ERCC1: variants seen among roughly 807,000 people sequenced by gnomAD.
The protein encoded by ERCC1 is DNA excision repair protein ERCC-1.
Under a neutral mutation model 37.6 loss-of-function variants are expected in ERCC1, and 36 were observed. The observed-to-expected ratio is 0.96, with a 90% CI of 0.73 to 1.26. The LOEUF is 1.26. Ranked by LOEUF, ERCC1 falls within the 50% of genes most tolerant of loss-of-function variation. ERCC1 has a pLI of 0.00. For synonymous variants in ERCC1, 156 were observed against 162.1 expected (o/e 0.96, Z 0.28); for missense variants, 349 against 376.5 (o/e 0.93, Z 0.60).
At chr19:45,416,518 G>A (rs921429990) in intron 6 of ERCC1, 5 of 376,228 alleles carry the variant, frequency 1.3e-5, no homozygotes, top group Middle Eastern at 7.8e-4. Context: ...TGGGCGTGGT[G>A]GTGCACACCT....
chr19:45,424,234 C>T (rs1177336392), upstream of ERCC1: 1 of 189,664 alleles, frequency 5.3e-6, no homozygotes, highest in African/African-American at 2.4e-5. Flanking sequence ...TATTCCACAC[C>T]TATTCCCCCC....
chr19:45,414,326 A>T, intron 7 of ERCC1: 1 of 456,500 alleles, frequency 2.2e-6, no homozygotes, highest in Non-Finnish European at 4.1e-6. Flanking sequence ...AAAATACAAA[A>T]ATTAGACAGG....
upstream of ERCC1, among the ~76,000 whole-genome samples, chr19:45,424,575 C>T (rs1268488993): frequency 6.6e-6 from 1 of 152,214 alleles, no homozygotes; most frequent in Non-Finnish European, 1.5e-5. Flanking sequence ...TCTCTGATTA[C>T]TAAGGAAATG....
chr19:45,423,962 G>A, upstream of ERCC1: 1 of 1,075,658 alleles, frequency 9.3e-7, no homozygotes, highest in Non-Finnish European at 1.1e-6. Context: ...CATAGAGCAG[G>A]GCGATCTCTG....
chr19:45,424,840 A>G (rs905094695), upstream of ERCC1, among the ~76,000 whole-genome samples: 4 of 150,550 alleles, frequency 2.7e-5, no homozygotes, highest in South Asian at 2.1e-4. Flanking sequence ...CTATTTATCA[A>G]TCTGTTCCGT....
chr19:45,409,006 G>T lies in ERCC1; in HGVS notation c.*669C>A. The stretch of plus-strand genomic sequence containing the variant: ...CAATGATGGAGCCAGGGACGGAGGC[G>T]ATGGAGCCAGTGGAGCCGGAGATGA... On this transcript the variant is annotated 3_prime_UTR_variant, in exon 10 of 10. Transcript: ENST00000300853. 2 of 1,614,070 alleles carry T rather than the reference G, an allele frequency of 1.2e-6. No individual in the cohort carries two copies. Among genetic ancestry groups the T allele is most frequent in the Non-Finnish European group, 1.7e-6 (2 of 1,180,016 alleles).
chr19:45,434,763 T>A (rs868074085), intron 1 of ERCC1, among the ~76,000 whole-genome samples: 2 of 151,420 alleles, frequency 1.3e-5, no homozygotes, highest in Admixed American at 6.6e-5. Context: ...TTTTAAAAAT[T>A]TTTTTATTTT....
At position 45,423,376 on chromosome 19, in the gene ERCC1, T is replaced by G. The variant is rs61758159; in HGVS notation, c.-2A>C. On this transcript the variant is annotated 5_prime_UTR_variant, in exon 2 of 10. Coordinates refer to ENST00000300853, the MANE Select transcript of ERCC1 (RefSeq NM_001983.4). ...CTCTTTGTCCTTCCCAGGGTCCATC[T>G]GGAGCCTGAAAGGGAAGGTGCCAGG... 119 of 1,610,870 alleles carry G rather than the reference T, an allele frequency of 7.4e-5. No individual in the cohort carries two copies. Among genetic ancestry groups the G allele is most frequent in the Non-Finnish European group, 9.5e-5 (112 of 1,178,826 alleles).
intron 1 of ERCC1, among the ~76,000 whole-genome samples, chr19:45,432,274 C>CA (rs1169395737): frequency 7.0e-6 from 1 of 143,790 alleles, no homozygotes; most frequent in Non-Finnish European, 1.5e-5. Flanking sequence ...CTGGCCAACA[C>CA]AAAATTAATT....
chr19:45,446,307 A>G (rs551176084), intron 1 of ERCC1, among the ~76,000 whole-genome samples: 115 of 152,276 alleles, frequency 7.6e-4, no homozygotes, highest in African/African-American at 2.6e-3. Context: ...GTTGAGTCCA[A>G]TGGTGACTTG....
chr19:45,439,817 G>A (rs1462860262), intron 1 of ERCC1, among the ~76,000 whole-genome samples: 1 of 152,010 alleles, frequency 6.6e-6, no homozygotes. Flanking sequence ...GGGGTAGGGG[G>A]ACGGCTGTGA....
intron 2 of ERCC1, among the ~76,000 whole-genome samples, chr19:45,422,963 C>T (rs1974529711): frequency 1.4e-5 from 2 of 148,026 alleles, no homozygotes; most frequent in South Asian, 2.2e-4. Context: ...GATTGCAAAA[C>T]CTGGCGATTC....
rs1466234246 is a variant in ERCC1 at position 45,413,583 on chromosome 19, CT to C, written c.843+93del. ...AAGCCACTGTGTCTGGTCTTTGGTT[CT>C]TTTTTCACCTTAAAACTTTGGGGTC... On this transcript the variant is annotated intron_variant, in intron 9 of 9. Transcript: ENST00000300853. The C allele has an allele frequency of 1.9e-6, 3 of 1,614,154 alleles. No individual in the cohort carries two copies. The Admixed American group carries it at 5.0e-5, about 27-fold the overall frequency.
intron 1 of ERCC1, among the ~76,000 whole-genome samples, chr19:45,437,064 A>G (rs1174152958): frequency 6.6e-6 from 1 of 152,148 alleles, no homozygotes; most frequent in African/African-American, 2.4e-5. Context: ...AGCCTGACCA[A>G]CATGGTGAAA....
At chr19:45,417,043 G>A in intron 5 of ERCC1, 146 bp from the exon 6 acceptor site, 1 of 685,580 alleles carries the variant, frequency 1.5e-6, no homozygotes, top group Non-Finnish European at 2.7e-6. Context: ...GTTGCAGTGA[G>A]CCAAGATCGC....
intron 9 of ERCC1, 167 bp from the exon 10 acceptor site, chr19:45,409,892 A>T (rs372370660): frequency 0.015 from 3,155 of 206,076 alleles, 41 homozygotes; most frequent in Admixed American, 0.026. Context: ...TATTATTATT[A>T]TTATTTTTTT....
intron 6 of ERCC1, chr19:45,415,780 A>G (rs1175199980): frequency 2.2e-6 from 1 of 455,810 alleles, no homozygotes; most frequent in East Asian, 6.9e-5. Flanking sequence ...TGGGAGCCCA[A>G]CCCCACTTCT....
intron 7 of ERCC1, chr19:45,414,484 A>T (rs556472664): frequency 1.7e-4 from 59 of 343,268 alleles, no homozygotes; most frequent in African/African-American, 1.2e-3. Context: ...CTCAAAAAAA[A>T]AAAAAAGGAA....
intron 1 of ERCC1, among the ~76,000 whole-genome samples, chr19:45,440,491 G>A (rs1156944703): frequency 2.6e-5 from 4 of 152,162 alleles, no homozygotes; most frequent in Non-Finnish European, 4.4e-5. Context: ...TGTTTCTACT[G>A]TGGGCAGGGG....
Sources: allele counts gnomAD v4.1 joint callset (sites outside exome capture counted in the v4.1 genomes callset), GRCh38; gene constraint gnomAD v4.1.1; transcripts MANE v1.5; gene names NCBI Gene and HGNC (gene_info 2026-07-23, HGNC 2026-07-21).